Variants in LRP1 observed in about 807,000 individuals in gnomAD.
LRP1 encodes the protein LDL receptor related protein 1.
A neutral mutation model predicts 541.5 loss-of-function variants in LRP1; 51 were observed. The observed-to-expected ratio is 0.09, with a 90% CI of 0.08 to 0.12. LRP1 has a LOEUF of 0.12. LRP1 is among the 10% of genes least tolerant of loss of function. The pLI is 1.00. For missense variants in LRP1, 3,878 were observed against 6,376.2 expected, an observed-to-expected ratio of 0.61 and a Z score of 13.34; for synonymous variants, 2,219 against 2,470.8, an observed-to-expected ratio of 0.90 and a Z score of 3.02.
intron 22 of LRP1, among the ~76,000 whole-genome samples, chr12:57,174,362 G>A (rs958413759): frequency 2.6e-5 from 4 of 152,154 alleles, no homozygotes; most frequent in Admixed American, 6.5e-5. Context: ...AGAGAGATGC[G>A]GAGTGCTCTT....
At chr12:57,186,103 C>G (rs975816650) in intron 41 of LRP1, among the ~76,000 whole-genome samples, 195 bp downstream of exon 41, 1 of 152,198 alleles carries the variant, frequency 6.6e-6, no homozygotes, top group Non-Finnish European at 1.5e-5. Flanking sequence ...CCTCCCGCCA[C>G]TGGTCCTAGT....
rs767345774 is a variant in LRP1, at chr12:57,169,213, C to T, written c.3069C>T (p.Asn1023=). The T allele has an allele frequency of 6.2e-7, 1 of 1,614,080 alleles. No individual in the cohort carries two copies. Among genetic ancestry groups the T allele is most frequent in the Admixed American group, 1.7e-5 (1 of 60,036 alleles). ...GTTCTAGCACCCAGTTCAAGTGCAA[C>T]AGCGGGCGTTGCATCCCCGAGCACT... ...HSCSSTQFKC[N]SGRCIPEHWT... is the part of the protein sequence containing the mutation. The change falls in exon 20 of 89, where the codon AAC becomes AAT. Residue 1023 remains asparagine, a synonymous_variant. Coordinates refer to ENST00000243077, the MANE Select transcript of LRP1 (RefSeq NM_002332.3).
Position 57,177,532 on chromosome 12 carries a change from C to T in LRP1, c.4302C>T (p.Gly1434=), listed in dbSNP as rs2036071776. ...TGCACCGGGAGACCGGCTCTGGGGG[C>T]TGGCCCAACGGGCTCACCGTGGACT... ...RTVHRETGSG[G]WPNGLTVDYL... is the part of the protein sequence containing the mutation. Residue 1434 remains glycine, a synonymous_variant, in exon 26 of 89, where the codon GGC becomes GGT. Coordinates refer to ENST00000243077, the MANE Select transcript of LRP1 (RefSeq NM_002332.3). This position sits in a 1 kb window ranked among gnomAD's most constrained non-coding sequence, Gnocchi z 6.8. 6.2e-7 allele frequency: 1 copy of T among 1,613,990 alleles called. No homozygotes were observed. Among genetic ancestry groups the T allele is most frequent in the Non-Finnish European group, 8.5e-7 (1 of 1,180,012 alleles).
rs35310996 is a variant in LRP1, at chr12:57,185,217, G to T, written c.6463+12G>T. 6.6e-4 allele frequency: 1,058 copies of T among 1,614,042 alleles called. 4 individuals are homozygous for T. The African/African-American group carries it at 7.4e-3, about 11-fold the overall frequency. On this transcript the variant is annotated intron_variant, in intron 40 of 88. Coordinates refer to ENST00000243077, the MANE Select transcript of LRP1 (RefSeq NM_002332.3). The surrounding 1 kb of genome is among the most constrained non-coding windows in gnomAD (Gnocchi z 4.9). ...GGACCGGCAGAAAGGTGAGGCTGGG[G>T]CTCTGGGCTGGGGTGGAGAGGTGAG...
intron 41 of LRP1, 114 bp downstream of exon 41, chr12:57,186,022 C>G: frequency 2.4e-6 from 3 of 1,263,532 alleles, no homozygotes; most frequent in South Asian, 1.5e-5. Context: ...GCAGCTACAA[C>G]TCAGCTGAAT....
chr12:57,176,697 G>A (rs1354652820), intron 24 of LRP1, among the ~76,000 whole-genome samples: 1 of 152,182 alleles, frequency 6.6e-6, no homozygotes, highest in Non-Finnish European at 1.5e-5. Flanking sequence ...TAAGTAAACT[G>A]TGATGATATC....
At chr12:57,166,283 A>T in intron 17 of LRP1, 74 bp downstream of exon 17, 1 of 1,508,594 alleles carries the variant, frequency 6.6e-7, no homozygotes. Flanking sequence ...GGCCAGGTTC[A>T]GTGGCTCATG....
Position 57,166,219 on chromosome 12 carries a change from G to T in LRP1, c.2797+10G>T. The T allele has an allele frequency of 6.3e-7, 1 of 1,595,998 alleles. No homozygotes were observed. The highest frequency in any genetic ancestry group is 1.1e-5 in the South Asian group (1 of 88,798). ...AATGCCACTTGTTCAGGTGTGGAGC[G>T]GGGCTCAGATCACACGAGGCACCCC... On this transcript the variant is annotated intron_variant, in intron 17 of 88. Coordinates refer to ENST00000243077, the MANE Select transcript of LRP1 (RefSeq NM_002332.3).
At chr12:57,129,146 G>A (rs2034983790) in intron 1 of LRP1, 115 bp downstream of exon 1, 3 of 1,145,354 alleles carry the variant, frequency 2.6e-6, no homozygotes, top group Non-Finnish European at 3.8e-6. Flanking sequence ...TGTTATCCCA[G>A]TCCAGCTGAC....
In LRP1 at chr12:57,154,462, C is replaced by T. The variant is rs1478067125; in HGVS notation, c.1005-17C>T. The T allele has an allele frequency of 3.1e-6, 5 of 1,611,118 alleles. No homozygotes were observed. The highest frequency in any genetic ancestry group is 4.2e-6 in the Non-Finnish European group (5 of 1,177,414). ...TGCCCAATGTCCAGACCCCATTTAA[C>T]ATGCATCTTCCCACAGGAAGGTGTT... On this transcript the variant is annotated splice_polypyrimidine_tract_variant and intron_variant, in intron 7 of 88. Coordinates refer to ENST00000243077, the MANE Select transcript of LRP1 (RefSeq NM_002332.3). The surrounding 1 kb of genome is among the most constrained non-coding windows in gnomAD (Gnocchi z 4.6).
chr12:57,135,793 G>T (rs2035147949), intron 1 of LRP1, among the ~76,000 whole-genome samples: 1 of 152,150 alleles, frequency 6.6e-6, no homozygotes, highest in Admixed American at 6.6e-5. Flanking sequence ...TTTGCCAGCT[G>T]CTGTTTCCTC....
At position 57,158,001 on chromosome 12, in the gene LRP1, C is replaced by T. The variant is rs536675976; in HGVS notation, c.1562-401C>T. 6.6e-6 allele frequency among the ~76,000 whole-genome samples: 1 copy of T among 152,220 alleles called. No homozygotes were observed. The highest frequency in any genetic ancestry group is 2.4e-5 in the African/African-American group (1 of 41,522). ...GGGGGATGGGCAGTAGGGAAGTAGC[C>T]AGAAGACTTTCAGTGTAGTGGGCAA... On this transcript the variant is annotated intron_variant, in intron 10 of 88. Coordinates refer to ENST00000243077, the MANE Select transcript of LRP1 (RefSeq NM_002332.3). The surrounding 1 kb of genome is among the most constrained non-coding windows in gnomAD (Gnocchi z 5.3).
At chr12:57,150,418 C>T (rs2035505396) in intron 6 of LRP1, among the ~76,000 whole-genome samples, 1 of 152,112 alleles carries the variant, frequency 6.6e-6, no homozygotes, top group Non-Finnish European at 1.5e-5. Context: ...GTCTCGATCT[C>T]CTGGCCTCAT....
chr12:57,209,876 C>A lies in LRP1; in HGVS notation c.12439+8C>A. ...AGCACAAGCAGCCCGAAGGTGGGGG[C>A]AGAGGGGAGCCTGGGCTGGGGAAGG... On this transcript the variant is annotated splice_region_variant and intron_variant, in intron 80 of 88. Transcript: ENST00000243077. 6.2e-6 allele frequency: 10 copies of A among 1,612,344 alleles called. No homozygotes were observed. Among genetic ancestry groups the A allele is most frequent in the Non-Finnish European group, 8.5e-6 (10 of 1,179,084 alleles).
intron 44 of LRP1, 86 bp downstream of exon 44, chr12:57,191,598 T>A: frequency 8.3e-7 from 1 of 1,211,522 alleles, no homozygotes; most frequent in Non-Finnish European, 1.1e-6. Flanking sequence ...ACATCGCACA[T>A]ACCACACGCA....
rs983599347 is a variant in LRP1, at chr12:57,173,473, G to C, written c.3346+123G>C. On this transcript the variant is annotated intron_variant, in intron 21 of 88. Coordinates refer to ENST00000243077, the MANE Select transcript of LRP1 (RefSeq NM_002332.3). The surrounding 1 kb of genome is among the most constrained non-coding windows in gnomAD (Gnocchi z 4.7). ...TGTGTGGAGTGGTGCTGGGGACAGT[G>C]CAAGGCAAAAGGCAGTCCAGAGGAA... 2 of 1,129,540 alleles carry C rather than the reference G, an allele frequency of 1.8e-6. No individual in the cohort carries two copies. The highest frequency in any genetic ancestry group is 2.5e-6 in the Non-Finnish European group (2 of 800,024). 70.0% of individuals were successfully genotyped at this position (1,129,540 alleles called of 1,614,324 possible). A position where few individuals can be genotyped will look rare whatever the true frequency, so the allele number is the denominator to read the frequency against.
rs1565754585 is a variant in LRP1 at position 57,205,560 on chromosome 12, A to G, written c.11473A>G (p.Ile3825Val). The G allele has an allele frequency of 2.5e-6, 4 of 1,613,976 alleles. No individual in the cohort carries two copies. The Admixed American group carries it at 6.7e-5, about 27-fold the overall frequency. ...TVPGQPGCQD[I>V]NECLRFGTCS... Reference sequence around the variant, plus strand: ...ATGACCCTCCCTGTAACCCTTAGACATCAACGAGTGCCTGCGCTTCGGCAC... The same window carrying G: ...ATGACCCTCCCTGTAACCCTTAGACGTCAACGAGTGCCTGCGCTTCGGCAC... The change falls in exon 75 of 89, where the codon ATC (isoleucine) becomes GTC (valine). Residue 3825 changes from isoleucine to valine, a missense_variant and splice_region_variant. Around this residue, in one of 13 missense-constraint regions of LRP1, gnomAD observed 871 missense variants for 1,212.4 expected, o/e 0.72. Coordinates refer to ENST00000243077, the MANE Select transcript of LRP1 (RefSeq NM_002332.3). This position sits in a 1 kb window ranked among gnomAD's most constrained non-coding sequence, Gnocchi z 4.6.
At chr12:57,129,383 A>G (rs2034990575) in intron 1 of LRP1, among the ~76,000 whole-genome samples, 1 of 151,874 alleles carries the variant, frequency 6.6e-6, no homozygotes, top group Admixed American at 6.5e-5. Context: ...CCCACCCCCC[A>G]TCTGAATTGT....
rs2035613242 is a variant in LRP1 at position 57,156,099 on chromosome 12, G to A, written c.1233G>A (p.Glu411=). 1.9e-6 allele frequency: 3 copies of A among 1,613,782 alleles called. No individual in the cohort carries two copies. The East Asian group carries it at 6.7e-5, about 36-fold the overall frequency. ...RQTIIQGILI[E]HLYGLTVFEN... ...TTCTTGCCTGCCCGTCTCAGATTGAGCACCTGTACGGCCTGACTGTGTTTG... is the reference window on the plus strand; with the variant it reads ...TTCTTGCCTGCCCGTCTCAGATTGAACACCTGTACGGCCTGACTGTGTTTG... The change falls in exon 9 of 89, where the codon GAG becomes GAA. Residue 411 remains glutamate (E), a synonymous_variant. Coordinates refer to ENST00000243077, the MANE Select transcript of LRP1 (RefSeq NM_002332.3). The surrounding 1 kb of genome is among the most constrained non-coding windows in gnomAD (Gnocchi z 5.2).
Sources: allele counts gnomAD v4.1 joint callset (sites outside exome capture counted in the v4.1 genomes callset), GRCh38; gene constraint gnomAD v4.1.1; regional missense constraint gnomAD v4.1.1; non-coding constraint Gnocchi (gnomAD v3.1); transcripts MANE v1.5; gene names NCBI Gene and HGNC (gene_info 2026-07-23, HGNC 2026-07-21).